CAMTA1: variants seen among roughly 807,000 people sequenced by gnomAD.
CAMTA1 encodes calmodulin-binding transcription activator 1.
CAMTA1 carries 27 observed loss-of-function variants against 170.9 expected under a neutral mutation model. That is an observed-to-expected ratio of 0.16 (90% confidence interval 0.12 to 0.22). CAMTA1 has a LOEUF of 0.22. CAMTA1 is among the 10% of genes least tolerant of loss of function. CAMTA1 has a pLI of 1.00. For synonymous variants in CAMTA1, 833 were observed against 891.5 expected (o/e 0.93, Z 1.17); for missense variants, 1,619 against 2,217.2 (o/e 0.73, Z 5.42).
rs907403429 is a variant in CAMTA1 at position 7,321,369 on chromosome 1, G to T, written c.438+71743G>T. Among the ~76,000 whole-genome samples the T allele has an allele frequency of 2.0e-5, 3 of 152,192 alleles. No individual in the cohort carries two copies. The South Asian group carries it at 6.2e-4, about 32-fold the overall frequency. ...CCTATTGCACCATTGCTATCAGCAA[G>T]TCAGGTTCTCTGTCAGCCTCTCCTT... On this transcript the variant is annotated intron_variant, in intron 5 of 22. Transcript: ENST00000303635.
chr1:7,152,861 T>C (rs934100430), intron 4 of CAMTA1, among the ~76,000 whole-genome samples: 4 of 152,198 alleles, frequency 2.6e-5, no homozygotes, highest in African/African-American at 7.2e-5. Context: ...TTCACAGATG[T>C]TCCAGGCCGA....
At chr1:7,239,800 C>T (rs999109352) in intron 4 of CAMTA1, among the ~76,000 whole-genome samples, 5 of 151,920 alleles carry the variant, frequency 3.3e-5, no homozygotes, top group African/African-American at 4.8e-5. Flanking sequence ...AGGAGCATGG[C>T]GCCTTGTGAG....
intron 5 of CAMTA1, among the ~76,000 whole-genome samples, chr1:7,336,534 G>C (rs1426357069): frequency 2.0e-5 from 3 of 152,234 alleles, no homozygotes; most frequent in Non-Finnish European, 4.4e-5. Flanking sequence ...TGGCCTCTCA[G>C]GAGCATGTAC....
rs139190857 is a variant in CAMTA1 at position 7,648,031 on chromosome 1, G to A, written c.664+7478G>A. 9.7e-4 allele frequency among the ~76,000 whole-genome samples: 148 copies of A among 152,256 alleles called. 2 individuals carry two copies. In the East Asian group the frequency reaches 0.026, roughly 27 times the overall value. The stretch of plus-strand genomic sequence containing the variant: ...CCTAGGGAGTTCAGGGCTGCAGTGA[G>A]CTGAGATGGCGCCACTGCACTCCAG... On this transcript the variant is annotated intron_variant, in intron 7 of 22. Coordinates refer to ENST00000303635, the MANE Select transcript of CAMTA1 (RefSeq NM_015215.4).
chr1:6,867,275 A>G (rs1166584945), intron 3 of CAMTA1, among the ~76,000 whole-genome samples: 1 of 152,104 alleles, frequency 6.6e-6, no homozygotes, highest in Admixed American at 6.6e-5. Context: ...AAAAAGTTAC[A>G]TTATTGAGGA....
intron 3 of CAMTA1, among the ~76,000 whole-genome samples, chr1:7,071,521 C>T (rs192051811): frequency 2.4e-4 from 37 of 152,084 alleles, no homozygotes; most frequent in Middle Eastern, 3.4e-3. Flanking sequence ...TAAAAATAAA[C>T]GGACTATAGT....
At chr1:7,571,569 A>G (rs570192673) in intron 6 of CAMTA1, among the ~76,000 whole-genome samples, 2 of 152,262 alleles carry the variant, frequency 1.3e-5, no homozygotes, top group South Asian at 2.1e-4. Context: ...GCTCCCAATT[A>G]TAAGTGAGAA....
intron 3 of CAMTA1, among the ~76,000 whole-genome samples, chr1:6,890,636 T>A (rs1015485028): frequency 6.6e-6 from 1 of 151,840 alleles, no homozygotes; most frequent in Non-Finnish European, 1.5e-5. Flanking sequence ...AGTGGTATGA[T>A]CACAGCTTAT....
chr1:7,469,424 G>A (rs2093286304), intron 6 of CAMTA1, among the ~76,000 whole-genome samples: 1 of 152,232 alleles, frequency 6.6e-6, no homozygotes, highest in African/African-American at 2.4e-5. Context: ...CAGAGTCAGA[G>A]CATGTCCTTG....
At position 7,538,968 on chromosome 1, in the gene CAMTA1, G is replaced by A. The variant is rs142490229; in HGVS notation, c.510+71067G>A. Among the ~76,000 whole-genome samples, 692 of 117,834 alleles carry A rather than the reference G, an allele frequency of 5.9e-3. 3 individuals carry two copies. Among genetic ancestry groups the A allele is most frequent in the African/African-American group, 0.023 (641 of 27,472 alleles). 77.3% of individuals were successfully genotyped at this position (117,834 alleles called of 152,430 possible). A position where few individuals can be genotyped will look rare whatever the true frequency, so the allele number is the denominator to read the frequency against. Reference sequence around the variant, plus strand: ...ACCTTCTAGCATGTCCTGGCCAGAGGGGTCCCAGCCTGCTTTCCTTCCCTT... The same window carrying A: ...ACCTTCTAGCATGTCCTGGCCAGAGAGGTCCCAGCCTGCTTTCCTTCCCTT... On this transcript the variant is annotated intron_variant, in intron 6 of 22. Transcript: ENST00000303635.
At chr1:6,855,492 A>T (rs1661970153) in intron 3 of CAMTA1, among the ~76,000 whole-genome samples, 1 of 151,688 alleles carries the variant, frequency 6.6e-6, no homozygotes, top group African/African-American at 2.4e-5. Context: ...GGGAGGTGCT[A>T]CACACTTTTA....
intron 6 of CAMTA1, among the ~76,000 whole-genome samples, chr1:7,615,528 T>C (rs368010759): frequency 1.2e-4 from 18 of 152,308 alleles, no homozygotes; most frequent in African/African-American, 3.9e-4. Flanking sequence ...TCAAATGAAA[T>C]AGTGCATGTC....
chr1:7,599,012 C>A (rs1576320864), intron 6 of CAMTA1, among the ~76,000 whole-genome samples: 2 of 152,146 alleles, frequency 1.3e-5, no homozygotes, highest in African/African-American at 4.8e-5. Flanking sequence ...GAAGTCCTTG[C>A]CCATGCCTAT....
rs543109531 is a variant in CAMTA1, at chr1:7,650,612, G to A, written c.664+10059G>A. On this transcript the variant is annotated intron_variant, in intron 7 of 22. Coordinates refer to ENST00000303635, the MANE Select transcript of CAMTA1 (RefSeq NM_015215.4). The stretch of plus-strand genomic sequence containing the variant: ...GGGAGGACTGTGATGCCCCAACAGC[G>A]AGCACCAGAAATGACAGGCTCACTG... 3.3e-5 allele frequency among the ~76,000 whole-genome samples: 5 copies of A among 152,312 alleles called. No homozygotes were observed. In the East Asian group the frequency reaches 5.8e-4, roughly 18 times the overall value.
Position 7,740,424 on chromosome 1 carries a change from G to A in CAMTA1, c.4182+1942G>A, listed in dbSNP as rs530194064. Among the ~76,000 whole-genome samples, 14 of 152,236 alleles carry A rather than the reference G, an allele frequency of 9.2e-5. No homozygotes were observed. In the South Asian group the frequency reaches 2.9e-3, roughly 32 times the overall value. On this transcript the variant is annotated intron_variant, in intron 16 of 22. Coordinates refer to ENST00000303635, the MANE Select transcript of CAMTA1 (RefSeq NM_015215.4). ...AATCCTGTTTTACACAATTCCTGAT[G>A]GAACCCACACCAGACACCAAAACTG...
chr1:7,546,524 T>C (rs2094695545), intron 6 of CAMTA1, among the ~76,000 whole-genome samples: 1 of 152,198 alleles, frequency 6.6e-6, no homozygotes, highest in Non-Finnish European at 1.5e-5. Flanking sequence ...TAACCAGTAA[T>C]GGGATTGCTG....
intron 4 of CAMTA1, among the ~76,000 whole-genome samples, chr1:7,102,977 T>C (rs1229188987): frequency 6.6e-6 from 1 of 152,160 alleles, no homozygotes; most frequent in Non-Finnish European, 1.5e-5. Flanking sequence ...CATTGGGACA[T>C]AGTGGTGGTG....
intron 3 of CAMTA1, among the ~76,000 whole-genome samples, chr1:6,953,303 C>T (rs1688832529): frequency 6.6e-6 from 1 of 152,224 alleles, no homozygotes; most frequent in Non-Finnish European, 1.5e-5. Flanking sequence ...ATGTCCCTGG[C>T]CCTTGTGAGC....
chr1:6,975,262 G>A (rs939315062), intron 3 of CAMTA1, among the ~76,000 whole-genome samples: 7 of 152,202 alleles, frequency 4.6e-5, no homozygotes, highest in Non-Finnish European at 1.0e-4. Context: ...CGGGGCTCAG[G>A]ATCTTTGTAA....
Sources: gnomAD v4.1 joint callset for allele counts (sites outside exome capture counted in the v4.1 genomes callset) on GRCh38, gnomAD v4.1.1 for gene constraint, MANE v1.5 for transcripts, NCBI Gene and HGNC (gene_info 2026-07-23, HGNC 2026-07-21) for gene names.